The following DNHD1 variants were observed in gnomAD, a reference collection of about 807,000 sequenced individuals.
DNHD1 encodes the protein dynein heavy chain domain-containing protein 1.
A neutral mutation model predicts 458.1 loss-of-function variants in DNHD1; 383 were observed. The observed-to-expected ratio is 0.84, with a 90% CI of 0.77 to 0.91. The LOEUF (loss-of-function observed/expected upper bound fraction) is 0.91. Ranked by LOEUF, DNHD1 falls within the 40% of genes least tolerant of loss-of-function variation. The pLI, the probability that DNHD1 is intolerant of heterozygous loss-of-function variation, is 0.00. For missense variants in DNHD1, 5,336 were observed against 5,866.1 expected (o/e 0.91, Z 2.95); for synonymous variants, 2,203 against 2,376.9 (o/e 0.93, Z 2.13).
rs1357221573 is a variant in DNHD1, at chr11:6,529,119, T to C, written c.2345T>C (p.Met782Thr). The change falls in exon 12 of 43, where the codon ATG (methionine) becomes ACG (threonine). Residue 782 changes from methionine to threonine, a missense_variant and splice_region_variant. By Grantham distance (81) the Met-to-Thr change is moderately conservative (BLOSUM62 -1). Coordinates refer to ENST00000254579, the MANE Select transcript of DNHD1 (RefSeq NM_144666.3). ...AGCTGCCATGATGTACAGGCAGAGA[T>C]GGGTGAGTACTGCTTCTCTTCCCTC... ...LLSCHDVQAEMESKLNSIRKD... is the reference protein window; with the variant it reads ...LLSCHDVQAETESKLNSIRKD... 2.6e-6 allele frequency: 4 copies of C among 1,549,930 alleles called. No homozygotes were observed. Among genetic ancestry groups the C allele is most frequent in the African/African-American group, 1.4e-5 (1 of 72,982 alleles).
rs537369418 is a variant in DNHD1, at chr11:6,557,814, G to A, written c.8519G>A (p.Arg2840Gln). The A allele has an allele frequency of 4.0e-5, 62 of 1,551,372 alleles. No homozygotes were observed. Among genetic ancestry groups the A allele is most frequent in the South Asian group, 3.2e-4 (27 of 84,058 alleles). The part of the protein sequence containing the change: ...NSETPNLYLE[R>Q]QWEKLEEQLA... ...GAGACCCCCAACTTGTACCTGGAAC[G>A]ACAGTGGGAGAAGCTAGAGGAGCAG... The change falls in exon 25 of 43, where the codon CGA becomes CAA. Residue 2840 changes from arginine (R) to glutamine (Q), a missense_variant. Around this residue, in one of 4 missense-constraint regions of DNHD1, gnomAD observed 3,932 missense variants for 4,365.6 expected, o/e 0.90. Transcript: ENST00000254579.
At position 6,548,832 on chromosome 11, in the gene DNHD1, G is replaced by A. The variant is rs1853277009; in HGVS notation, c.7286G>A (p.Gly2429Glu). 1 of 1,551,652 alleles carries A rather than the reference G, an allele frequency of 6.4e-7. No homozygotes were observed. The highest frequency in any genetic ancestry group is 8.7e-7 in the Non-Finnish European group (1 of 1,146,986). ...CACCTCCGTCTCCTGCTGAGCAGAG[G>A]AATCCAGGGCCAAACACAAGCCAGC... The part of the protein sequence containing the change: ...SSHLRLLLSR[G>E]IQGQTQASPQ... The change falls in exon 24 of 43, where the codon GGA becomes GAA. Residue 2429 changes from glycine (G) to glutamate (E), a missense_variant. By Grantham distance (98) the Gly-to-Glu change is moderately conservative. This residue lies in a region of DNHD1 where 3,932 missense variants were observed against 4,365.6 expected (regional missense o/e 0.90). Coordinates refer to ENST00000254579, the MANE Select transcript of DNHD1 (RefSeq NM_144666.3). This position sits in a 1 kb window ranked among gnomAD's most constrained non-coding sequence, Gnocchi z 4.4.
chr11:6,522,692 G>A (rs1225390068), intron 10 of DNHD1, among the ~76,000 whole-genome samples: 1 of 152,088 alleles, frequency 6.6e-6, no homozygotes, highest in Non-Finnish European at 1.5e-5. Context: ...TAGTCTTTAA[G>A]AAACATACAT....
chr11:6,568,313 C>G, intron 37 of DNHD1, 71 bp downstream of exon 37: 1 of 1,534,026 alleles, frequency 6.5e-7, no homozygotes, highest in Non-Finnish European at 8.8e-7. Flanking sequence ...AATCTCAGGC[C>G]TCATGGCCAG....
chr11:6,566,413 T>C lies in DNHD1; in HGVS notation c.11206+20T>C, dbSNP rs747594193. Reference sequence around the variant, plus strand: ...AAAAAGGTGAGGCCCAGAGGGCAAATTGCCAGCACAGTTGTGTGGACACAC... The same window carrying C: ...AAAAAGGTGAGGCCCAGAGGGCAAACTGCCAGCACAGTTGTGTGGACACAC... On this transcript the variant is annotated intron_variant, in intron 34 of 42. Coordinates refer to ENST00000254579, the MANE Select transcript of DNHD1 (RefSeq NM_144666.3). 10 of 1,557,236 alleles carry C rather than the reference T, an allele frequency of 6.4e-6. No individual in the cohort carries two copies. In the East Asian group the frequency reaches 1.2e-4, roughly 19 times the overall value.
At position 6,564,337 on chromosome 11, in the gene DNHD1, T is replaced by C; in HGVS notation, c.10289T>C (p.Leu3430Pro). The C allele has an allele frequency of 6.5e-7, 1 of 1,532,392 alleles. No homozygotes were observed. Among genetic ancestry groups the C allele is most frequent in the Non-Finnish European group, 8.8e-7 (1 of 1,134,252 alleles). 94.9% of individuals were successfully genotyped at this position (1,532,392 alleles called of 1,614,324 possible). A position where few individuals can be genotyped will look rare whatever the true frequency, so the allele number is the denominator to read the frequency against. Residue 3430 changes from leucine (L) to proline (P), a missense_variant, in exon 32 of 43, where the codon CTG (leucine) becomes CCG (proline). By Grantham distance (98) the Leu-to-Pro change is moderately conservative (BLOSUM62 -3). This residue lies in a region of DNHD1 where 3,932 missense variants were observed against 4,365.6 expected (regional missense o/e 0.90). Transcript: ENST00000254579. ...MRAWTTQLQK[L>P]KGRCMTVFGD... ...TGGTCTTCCCTTCCACTCCAGAAGC[T>C]GAAGGGACGCTGCATGACTGTGTTT...
chr11:6,559,673 C>G (rs1336931674), intron 28 of DNHD1, among the ~76,000 whole-genome samples: 1 of 152,194 alleles, frequency 6.6e-6, no homozygotes. Context: ...GTCCCCATAC[C>G]CTTTCTTCCA....
rs1391888987 is a variant in DNHD1, at chr11:6,563,114, G to A, written c.9652G>A (p.Glu3218Lys). Residue 3218 changes from glutamate to lysine, a missense_variant, in exon 29 of 43, where the codon GAG becomes AAG. Physicochemically the swap from Glu to Lys is moderately conservative, Grantham distance 56. Transcript: ENST00000254579. The part of the protein sequence containing the change: ...RQRDALQAQR[E>K]AFLEQMSKAF... ...ACGGGATGCCCTGCAAGCTCAGCGA[G>A]AGGCTTTCCTGGAGCAGGTGGGCTC... is the stretch of plus-strand genomic sequence containing the variant. The A allele has an allele frequency of 6.4e-7, 1 of 1,551,736 alleles. No individual in the cohort carries two copies. The highest frequency in any genetic ancestry group is 1.2e-5 in the South Asian group (1 of 84,060).
rs139068906 is a variant in DNHD1, at chr11:6,551,753, C to A, written c.7387+2820C>A. The stretch of plus-strand genomic sequence containing the variant: ...GTCAGGAGATGGAGACCATCCTGGC[C>A]AACATGGTGAAACCCCGTCTCTACT... On this transcript the variant is annotated intron_variant, in intron 24 of 42. Transcript: ENST00000254579. Among the ~76,000 whole-genome samples the A allele has an allele frequency of 2.3e-3, 354 of 152,226 alleles. 5 individuals carry two copies. The highest frequency in any genetic ancestry group is 8.2e-3 in the African/African-American group (341 of 41,532).
chr11:6,539,979 A>C lies in DNHD1; in HGVS notation c.3524A>C (p.His1175Pro), dbSNP rs535292825. The C allele has an allele frequency of 6.4e-7, 1 of 1,551,738 alleles. No homozygotes were observed. The highest frequency in any genetic ancestry group is 1.2e-5 in the South Asian group (1 of 84,068). Residue 1175 changes from histidine (H) to proline (P), a missense_variant, in exon 18 of 43, where the codon CAT (histidine) becomes CCT (proline). His to Pro is a moderately conservative substitution (Grantham distance 77, BLOSUM62 -2). This residue lies in a region of DNHD1 where 3,932 missense variants were observed against 4,365.6 expected (regional missense o/e 0.90). Coordinates refer to ENST00000254579, the MANE Select transcript of DNHD1 (RefSeq NM_144666.3). ...RQLRLLNFILHVPYEPPASER... is the reference protein window; with the variant it reads ...RQLRLLNFILPVPYEPPASER... Reference sequence around the variant, plus strand: ...CTGCGCCTGCTCAACTTCATCCTGCATGTACCCTACGAGCCCCCAGCCTCA... The same window carrying C: ...CTGCGCCTGCTCAACTTCATCCTGCCTGTACCCTACGAGCCCCCAGCCTCA...
At chr11:6,565,100 G>A (rs1420102530) in intron 32 of DNHD1, among the ~76,000 whole-genome samples, 1 of 152,142 alleles carries the variant, frequency 6.6e-6, no homozygotes, top group African/African-American at 2.4e-5. Context: ...TGTTGGCTCT[G>A]TTTGGATCGG....
At chr11:6,510,280 T>C (rs1190145537) in intron 6 of DNHD1, among the ~76,000 whole-genome samples, 2 of 152,118 alleles carry the variant, frequency 1.3e-5, no homozygotes, top group Non-Finnish European at 2.9e-5. Context: ...AGATAAGGTT[T>C]CGCCATGTTG....
At chr11:6,522,583 A>C (rs1424501123) in intron 10 of DNHD1, among the ~76,000 whole-genome samples, 1 of 152,180 alleles carries the variant, frequency 6.6e-6, no homozygotes, top group Non-Finnish European at 1.5e-5. Flanking sequence ...TTACCTATAT[A>C]ACAAACCTGC....
In DNHD1 at chr11:6,548,298, G is replaced by C; in HGVS notation, c.6994G>C (p.Asp2332His). The C allele has an allele frequency of 6.4e-7, 1 of 1,551,692 alleles. No homozygotes were observed. Among genetic ancestry groups the C allele is most frequent in the South Asian group, 1.2e-5 (1 of 84,058 alleles). ...PEPPPSALVF[D>H]LHVSPEDGTL... is the part of the protein sequence containing the mutation. ...GCCACCACCCTCAGCCTTGGTGTTTGATCTACATGTAAGCCCTGAAGATGG... is the reference window on the plus strand; with the variant it reads ...GCCACCACCCTCAGCCTTGGTGTTTCATCTACATGTAAGCCCTGAAGATGG... The change falls in exon 23 of 43, where the codon GAT becomes CAT. Residue 2332 changes from aspartate (D) to histidine (H), a missense_variant. Coordinates refer to ENST00000254579, the MANE Select transcript of DNHD1 (RefSeq NM_144666.3). This position sits in a 1 kb window ranked among gnomAD's most constrained non-coding sequence, Gnocchi z 4.4.
chr11:6,546,138 T>G lies in DNHD1; in HGVS notation c.5199T>G (p.Gly1733=). The G allele has an allele frequency of 1.3e-6, 2 of 1,551,268 alleles. No homozygotes were observed. The highest frequency in any genetic ancestry group is 1.7e-6 in the Non-Finnish European group (2 of 1,146,600). Residue 1733 remains glycine (G), a synonymous_variant, in exon 21 of 43, where the codon GGT becomes GGG. Coordinates refer to ENST00000254579, the MANE Select transcript of DNHD1 (RefSeq NM_144666.3). ...ATCTGAATGGTGCCCTGCAGGGTGG[T>G]GCCTGGCTGCTGTTGGAGAAAGTTC... The part of the protein sequence containing the change: ...SNYLNGALQG[G]AWLLLEKVHQ...
intron 39 of DNHD1, among the ~76,000 whole-genome samples, chr11:6,569,531 G>A (rs574871921): frequency 1.3e-4 from 20 of 152,238 alleles, no homozygotes; most frequent in Admixed American, 3.3e-4. Flanking sequence ...TGAAGACAGT[G>A]GGAAGCCACT....
In DNHD1 at chr11:6,545,532, T is replaced by C; in HGVS notation, c.4593T>C (p.Gly1531=). 6.4e-7 allele frequency: 1 copy of C among 1,551,482 alleles called. No individual in the cohort carries two copies. Among genetic ancestry groups the C allele is most frequent in the Non-Finnish European group, 8.7e-7 (1 of 1,146,932 alleles). The part of the protein sequence containing the change: ...AEMEEALLEW[G]TLAMVSMHMR... ...TGGAGGAGGCTCTGCTTGAGTGGGG[T>C]ACCCTGGCCATGGTCTCCATGCATA... The change falls in exon 21 of 43, where the codon GGT becomes GGC. Residue 1531 remains glycine (G), a synonymous_variant. Coordinates refer to ENST00000254579, the MANE Select transcript of DNHD1 (RefSeq NM_144666.3). This position sits in a 1 kb window ranked among gnomAD's most constrained non-coding sequence, Gnocchi z 4.9.
chr11:6,564,119 C>T lies in DNHD1; in HGVS notation c.10279C>T (p.Leu3427Phe). Residue 3427 changes from leucine to phenylalanine, a missense_variant, in exon 31 of 43, where the codon CTC (leucine) becomes TTC (phenylalanine). By Grantham distance (22) the Leu-to-Phe change is conservative (BLOSUM62 0). This residue lies in a region of DNHD1 where 3,932 missense variants were observed against 4,365.6 expected (regional missense o/e 0.90). Coordinates refer to ENST00000254579, the MANE Select transcript of DNHD1 (RefSeq NM_144666.3). Reference sequence around the variant, plus strand: ...GCCTATGCGTGCCTGGACTACACAGCTCCAGGTAACCATCCCCCTCCCAGA... The same window carrying T: ...GCCTATGCGTGCCTGGACTACACAGTTCCAGGTAACCATCCCCCTCCCAGA... ...LTPMRAWTTQ[L>F]QKLKGRCMTV... The T allele has an allele frequency of 6.5e-7, 1 of 1,547,346 alleles. No individual in the cohort carries two copies. The highest frequency in any genetic ancestry group is 8.7e-7 in the Non-Finnish European group (1 of 1,143,742).
At chr11:6,527,014 C>A (rs1010997546) in intron 10 of DNHD1, among the ~76,000 whole-genome samples, 1 of 152,182 alleles carries the variant, frequency 6.6e-6, no homozygotes, top group African/African-American at 2.4e-5. Flanking sequence ...GATGGTTTGA[C>A]CCCACCTACT....
Sources: allele counts gnomAD v4.1 joint callset (sites outside exome capture counted in the v4.1 genomes callset), GRCh38; gene constraint gnomAD v4.1.1; regional missense constraint gnomAD v4.1.1; non-coding constraint Gnocchi (gnomAD v3.1); transcripts MANE v1.5; gene names NCBI Gene and HGNC (gene_info 2026-07-23, HGNC 2026-07-21).